The following EEF2K variants were observed in gnomAD, a reference collection of about 807,000 sequenced individuals.
EEF2K encodes the protein alternative protein EEF2K.
EEF2K carries 70 observed loss-of-function variants against 93.8 expected under a neutral mutation model. The ratio of observed to expected loss-of-function variants is 0.75; its 90% CI spans 0.62 to 0.91. The LOEUF is 0.91. Ranked by LOEUF, EEF2K falls within the 40% of genes least tolerant of loss-of-function variation. The probability of loss-of-function intolerance (pLI) is 0.00; values close to 1 mark genes in which losing one functional copy is unlikely to be tolerated. For missense variants in EEF2K, 935 were observed against 972.9 expected, an observed-to-expected ratio of 0.96 and a Z score of 0.52; for synonymous variants, 376 against 380.8, an observed-to-expected ratio of 0.99 and a Z score of 0.15.
At chr16:22,239,743 T>G (rs1232637503) in intron 2 of EEF2K, among the ~76,000 whole-genome samples, 2 of 151,906 alleles carry the variant, frequency 1.3e-5, no homozygotes, top group Non-Finnish European at 2.9e-5. Context: ...CCCAGGAGTT[T>G]GAGGCTGCGG....
intron 9 of EEF2K, among the ~76,000 whole-genome samples, 189 bp downstream of exon 9, chr16:22,257,959 C>G (rs1359726918): frequency 6.6e-6 from 1 of 152,204 alleles, no homozygotes; most frequent in Non-Finnish European, 1.5e-5. Context: ...CCCTCCTGAG[C>G]GTCCTTCCAA....
chr16:22,264,719 C>A, intron 12 of EEF2K, 99 bp from the exon 13 acceptor site: 1 of 1,397,350 alleles, frequency 7.2e-7, no homozygotes, highest in East Asian at 2.4e-5. Context: ...CTAGGAGGGC[C>A]AGGCTGGTTC....
chr16:22,211,194 G>A (rs1262882299), intron 1 of EEF2K, among the ~76,000 whole-genome samples: 1 of 152,190 alleles, frequency 6.6e-6, no homozygotes, highest in African/African-American at 2.4e-5. Flanking sequence ...GCTCCACTCT[G>A]TTGAGTAGAT....
chr16:22,282,848 A>G (rs1039964313), intron 17 of EEF2K, among the ~76,000 whole-genome samples: 1 of 152,220 alleles, frequency 6.6e-6, no homozygotes, highest in Non-Finnish European at 1.5e-5. Context: ...GTGCAGTTAC[A>G]TCATGAATGA....
chr16:22,250,456 T>A (rs1283841050), intron 4 of EEF2K, among the ~76,000 whole-genome samples, 198 bp from the exon 5 acceptor site: 1 of 152,086 alleles, frequency 6.6e-6, no homozygotes, highest in Non-Finnish European at 1.5e-5. Flanking sequence ...TTCCTTGTCA[T>A]CCTGGCAGCC....
intron 16 of EEF2K, among the ~76,000 whole-genome samples, chr16:22,278,226 A>G (rs978749201): frequency 1.3e-5 from 2 of 152,022 alleles, no homozygotes; most frequent in Non-Finnish European, 2.9e-5. Context: ...AAAAAGAGAG[A>G]GCAAAAGGGG....
At chr16:22,228,260 G>A (rs1318733486) in intron 2 of EEF2K, among the ~76,000 whole-genome samples, 1 of 152,058 alleles carries the variant, frequency 6.6e-6, no homozygotes, top group East Asian at 1.9e-4. Flanking sequence ...CTGATTATGA[G>A]AATTAATATA....
intron 15 of EEF2K, among the ~76,000 whole-genome samples, chr16:22,268,325 C>A (rs1031114330): frequency 6.6e-6 from 1 of 151,716 alleles, no homozygotes; most frequent in African/African-American, 2.4e-5. Flanking sequence ...ATTACAGGTG[C>A]CTGCCACCGC....
intron 2 of EEF2K, among the ~76,000 whole-genome samples, chr16:22,233,342 A>G (rs917746330): frequency 1.3e-5 from 2 of 152,066 alleles, no homozygotes; most frequent in Non-Finnish European, 2.9e-5. Flanking sequence ...GGGAGCAAAT[A>G]CATGTTTTTA....
chr16:22,268,429 C>T (rs1318072272), intron 15 of EEF2K, among the ~76,000 whole-genome samples: 2 of 151,978 alleles, frequency 1.3e-5, no homozygotes, highest in Non-Finnish European at 2.9e-5. Flanking sequence ...CCTCAGCCTC[C>T]CAAAGTGCTG....
intron 1 of EEF2K, among the ~76,000 whole-genome samples, chr16:22,211,969 G>GCA (rs1269462485): frequency 6.6e-6 from 1 of 152,014 alleles, no homozygotes; most frequent in East Asian, 1.9e-4. Flanking sequence ...AGAGGGCTGG[G>GCA]CACACAGTTC....
Position 22,257,628 on chromosome 16 carries a change from C to G in EEF2K, c.902-15C>G, listed in dbSNP as rs2047417302. 1 of 1,611,270 alleles carries G rather than the reference C, an allele frequency of 6.2e-7. No individual in the cohort carries two copies. Among genetic ancestry groups the G allele is most frequent in the Non-Finnish European group, 8.5e-7 (1 of 1,179,782 alleles). Reference sequence around the variant, plus strand: ...GAGCAAAGCAACACTCCAGACACCCCCGCTCTGTCCACAGGTGTCCGCGGG... The same window carrying G: ...GAGCAAAGCAACACTCCAGACACCCGCGCTCTGTCCACAGGTGTCCGCGGG... On this transcript the variant is annotated splice_polypyrimidine_tract_variant and intron_variant, in intron 8 of 17. Transcript: ENST00000263026.
chr16:22,219,604 G>A (rs1199314092), intron 1 of EEF2K, among the ~76,000 whole-genome samples: 2 of 152,060 alleles, frequency 1.3e-5, no homozygotes, highest in Non-Finnish European at 2.9e-5. Context: ...CTCCAGCCTG[G>A]GCAGCAGAAC....
At chr16:22,223,260 CT>C (rs2047031765) in intron 1 of EEF2K, among the ~76,000 whole-genome samples, 1 of 129,466 alleles carries the variant, frequency 7.7e-6, no homozygotes, top group Admixed American at 7.5e-5. Flanking sequence ...TTGTTTTTTT[CT>C]GTTTTTTTTT....
intron 4 of EEF2K, 90 bp downstream of exon 4, chr16:22,248,905 C>T (rs2047321245): frequency 1.5e-6 from 2 of 1,291,484 alleles, no homozygotes; most frequent in South Asian, 1.3e-5. Context: ...CTCCCACTCC[C>T]ACTTTATTTA....
At chr16:22,228,204 C>T (rs1178207937) in intron 2 of EEF2K, among the ~76,000 whole-genome samples, 1 of 151,934 alleles carries the variant, frequency 6.6e-6, no homozygotes, top group Non-Finnish European at 1.5e-5. Context: ...GTGTTATTTC[C>T]CTCTCTGTTG....
At chr16:22,264,934 T>C in intron 13 of EEF2K, 54 bp downstream of exon 13, 2 of 1,596,132 alleles carry the variant, frequency 1.3e-6, no homozygotes, top group Non-Finnish European at 1.7e-6. Context: ...TCCTCCAGGC[T>C]CTGTTGCTGT....
chr16:22,273,745 G>C lies in EEF2K; in HGVS notation c.1884G>C (p.Pro628=). 1 of 1,613,418 alleles carries C rather than the reference G, an allele frequency of 6.2e-7. No homozygotes were observed. Residue 628 remains proline, a synonymous_variant, in exon 16 of 18, where the codon CCG becomes CCC. Coordinates refer to ENST00000263026, the MANE Select transcript of EEF2K (RefSeq NM_013302.5). ...RAFDSGQNLS[P]DRCQDWLEAL... ...TTGACTCTGGCCAGAACCTCAGCCC[G>C]GACAGGTACTGCAGCTGTCACCCAG...
At position 22,225,680 on chromosome 16, in the gene EEF2K, A is replaced by G. The variant is rs2047055292; in HGVS notation, c.-50A>G. On this transcript the variant is annotated 5_prime_UTR_variant, in exon 2 of 18. Coordinates refer to ENST00000263026, the MANE Select transcript of EEF2K (RefSeq NM_013302.5). ...ACCTTCGCCTCTGCATTTGTCCAGT[A>G]ACTCTGGCTGTGCCGGATACTGCTT... 6.3e-7 allele frequency: 1 copy of G among 1,596,884 alleles called. No individual in the cohort carries two copies.
Sources: gnomAD v4.1 joint callset for allele counts (sites outside exome capture counted in the v4.1 genomes callset) on GRCh38, gnomAD v4.1.1 for gene constraint, MANE v1.5 for transcripts, NCBI Gene and HGNC (gene_info 2026-07-23, HGNC 2026-07-21) for gene names.